The following HDAC1 variants were observed in gnomAD, a reference collection of about 807,000 sequenced individuals.
The protein encoded by HDAC1 is protein deacetylase HDAC1.
In HDAC1, 18 loss-of-function variants were observed where a neutral mutation model predicts 65.5. The ratio of observed to expected loss-of-function variants is 0.27; its 90% CI spans 0.19 to 0.41. HDAC1 has a LOEUF of 0.41. Among genes scored for constraint, HDAC1 ranks in the 10% least tolerant of loss-of-function variants. HDAC1 has a pLI of 1.00. For missense variants in HDAC1, 373 were observed against 625.2 expected (o/e 0.60, Z 4.30); for synonymous variants, 211 against 227.9 (o/e 0.93, Z 0.67).
chr1:32,296,937 T>C (rs1348589499), intron 1 of HDAC1, among the ~76,000 whole-genome samples: 3 of 151,894 alleles, frequency 2.0e-5, no homozygotes, highest in Non-Finnish European at 4.4e-5. Context: ...CGAGGGTAAA[T>C]GTCAAGGAAA....
intron 3 of HDAC1, among the ~76,000 whole-genome samples, chr1:32,322,592 G>A (rs559366251): frequency 2.0e-5 from 3 of 152,240 alleles, no homozygotes; most frequent in South Asian, 2.1e-4. Flanking sequence ...TCTGTAAGAG[G>A]AGATTTGGAG....
At position 32,327,120 on chromosome 1, in the gene HDAC1, C is replaced by T. The variant is rs770813578; in HGVS notation, c.494+43C>T. 4 of 1,603,758 alleles carry T rather than the reference C, an allele frequency of 2.5e-6. No homozygotes were observed. Among genetic ancestry groups the T allele is most frequent in the Admixed American group, 3.4e-5 (2 of 59,600 alleles). On this transcript the variant is annotated intron_variant, in intron 5 of 13. Transcript: ENST00000373548. The surrounding 1 kb of genome is among the most constrained non-coding windows in gnomAD (Gnocchi z 6.0). ...TGTCTCTTGGAAGAGCACCTTAGGC[C>T]AGGTTCCCATTTCCCTCTTCCCCTG...
Position 32,329,016 on chromosome 1 carries a change from C to A in HDAC1, c.637-52C>A. On this transcript the variant is annotated intron_variant, in intron 6 of 13. Coordinates refer to ENST00000373548, the MANE Select transcript of HDAC1 (RefSeq NM_004964.3). The surrounding 1 kb of genome is among the most constrained non-coding windows in gnomAD (Gnocchi z 4.1). ...TTATCCCTCCAGCCCCTATCCTTGA[C>A]CTTCCTTCAAGCTTCATCCTTCAGT... 9.1e-7 allele frequency: 1 copy of A among 1,104,954 alleles called. No individual in the cohort carries two copies. The highest frequency in any genetic ancestry group is 1.2e-5 in the South Asian group (1 of 80,880). The allele number at this position is 1,104,954 out of a possible 1,614,324, so 68.4% of individuals were successfully genotyped here. A position where few individuals can be genotyped will look rare whatever the true frequency, so the allele number is the denominator to read the frequency against.
chr1:32,320,238 A>C (rs1435371682), intron 3 of HDAC1, among the ~76,000 whole-genome samples: 1 of 151,300 alleles, frequency 6.6e-6, no homozygotes, highest in Non-Finnish European at 1.5e-5. Flanking sequence ...AAAAAAAAAA[A>C]CCCACACACA....
chr1:32,296,275 G>A (rs1640765660), intron 1 of HDAC1, among the ~76,000 whole-genome samples: 1 of 152,186 alleles, frequency 6.6e-6, no homozygotes, highest in Admixed American at 6.6e-5. Context: ...AAAGAAGGGA[G>A]GGATTGGGCA....
At chr1:32,309,671 A>G (rs1300247137) in intron 2 of HDAC1, among the ~76,000 whole-genome samples, 1 of 136,792 alleles carries the variant, frequency 7.3e-6, no homozygotes, top group Non-Finnish European at 1.5e-5. Context: ...TGGGCAACAG[A>G]GCGAGTCTCA....
chr1:32,293,047 G>C (rs1003026380), intron 1 of HDAC1, among the ~76,000 whole-genome samples: 1 of 152,178 alleles, frequency 6.6e-6, no homozygotes, highest in South Asian at 2.1e-4. Flanking sequence ...TTGGCCGGGC[G>C]TGGTGGCTCA....
intron 2 of HDAC1, among the ~76,000 whole-genome samples, chr1:32,305,388 A>G (rs918478234): frequency 6.6e-6 from 1 of 152,170 alleles, no homozygotes; most frequent in African/African-American, 2.4e-5. Flanking sequence ...ACATATGCAC[A>G]TATTCACCTG....
intron 4 of HDAC1, among the ~76,000 whole-genome samples, chr1:32,325,094 G>A (rs140906701): frequency 1.2e-4 from 18 of 152,296 alleles, no homozygotes; most frequent in Middle Eastern, 3.4e-3. Flanking sequence ...ATGTACAGGC[G>A]TTCCCCGCAG....
chr1:32,327,642 T>C lies in HDAC1; in HGVS notation c.601T>C (p.Tyr201His). Residue 201 changes from tyrosine to histidine, a missense_variant, in exon 6 of 14, where the codon TAT becomes CAT. Tyr to His is a moderately conservative substitution (Grantham distance 83, BLOSUM62 2). Around this residue, in one of 4 missense-constraint regions of HDAC1, gnomAD observed 62 missense variants for 180.0 expected, o/e 0.34. Coordinates refer to ENST00000373548, the MANE Select transcript of HDAC1 (RefSeq NM_004964.3). The surrounding 1 kb of genome is among the most constrained non-coding windows in gnomAD (Gnocchi z 6.0). ...GGTCATGACTGTGTCCTTTCATAAG[T>C]ATGGAGAGTACTTCCCAGGAACTGG... ...DRVMTVSFHK[Y>H]GEYFPGTGDL... 6.2e-7 allele frequency: 1 copy of C among 1,614,078 alleles called. No homozygotes were observed. Among genetic ancestry groups the C allele is most frequent in the Non-Finnish European group, 8.5e-7 (1 of 1,179,958 alleles).
At chr1:32,325,738 C>G (rs1282307276) in intron 4 of HDAC1, among the ~76,000 whole-genome samples, 2 of 152,094 alleles carry the variant, frequency 1.3e-5, no homozygotes, top group African/African-American at 2.4e-5. Flanking sequence ...TTAAAATCAA[C>G]ACTGCAGCTG....
rs1641280103 is a variant in HDAC1 at position 32,330,736 on chromosome 1, C to T, written c.839-32C>T. 6.2e-7 allele frequency: 1 copy of T among 1,613,948 alleles called. No homozygotes were observed. The highest frequency in any genetic ancestry group is 2.2e-5 in the East Asian group (1 of 44,880). On this transcript the variant is annotated intron_variant, in intron 8 of 13. Coordinates refer to ENST00000373548, the MANE Select transcript of HDAC1 (RefSeq NM_004964.3). This position sits in a 1 kb window ranked among gnomAD's most constrained non-coding sequence, Gnocchi z 4.2. ...GGTGGGCGGGGTCCTGCTTGGTGCT[C>T]CTGTAACTCAGCACCCCTTCTCCCA...
intron 13 of HDAC1, 117 bp downstream of exon 13, chr1:32,332,866 G>A: frequency 5.1e-6 from 6 of 1,181,982 alleles, no homozygotes; most frequent in Non-Finnish European, 7.4e-6. Context: ...GCCTCTTTCA[G>A]GGACCAGTCT....
intron 2 of HDAC1, among the ~76,000 whole-genome samples, chr1:32,305,772 G>A (rs1416921314): frequency 6.6e-6 from 1 of 151,740 alleles, no homozygotes; most frequent in South Asian, 2.1e-4. Context: ...CACCACACTC[G>A]GCTAATTTTT....
intron 3 of HDAC1, among the ~76,000 whole-genome samples, chr1:32,320,899 CAAAAAAAAAAAA>C (rs1160071616): frequency 1.1e-3 from 25 of 23,386 alleles, no homozygotes; most frequent in African/African-American, 2.2e-3. Flanking sequence ...GACTCCATCT[CAAAAAAAAAAAA>C]AAAAAAAAAA....
chr1:32,323,103 C>A (rs996342356), intron 3 of HDAC1, among the ~76,000 whole-genome samples: 5 of 152,070 alleles, frequency 3.3e-5, no homozygotes, highest in African/African-American at 1.2e-4. Context: ...GAGTTTGAGA[C>A]CAGCCTGGCC....
chr1:32,314,825 CAA>C (rs34315355), intron 2 of HDAC1, among the ~76,000 whole-genome samples: 21 of 64,186 alleles, frequency 3.3e-4, no homozygotes, highest in Admixed American at 3.5e-4. Flanking sequence ...GACTCCGTCT[CAA>C]AAAAAAAAAA....
chr1:32,314,330 C>G (rs548692189), intron 2 of HDAC1, among the ~76,000 whole-genome samples: 2 of 152,054 alleles, frequency 1.3e-5, no homozygotes, highest in Non-Finnish European at 2.9e-5. Flanking sequence ...GTAGTTAGGA[C>G]TATAGGCAAG....
At chr1:32,314,667 G>T (rs1257446260) in intron 2 of HDAC1, among the ~76,000 whole-genome samples, 1 of 151,742 alleles carries the variant, frequency 6.6e-6, no homozygotes, top group Non-Finnish European at 1.5e-5. Flanking sequence ...TCTACTAAAT[G>T]TACAAAAAAT....
Sources: gnomAD v4.1 joint callset for allele counts (sites outside exome capture counted in the v4.1 genomes callset) on GRCh38, gnomAD v4.1.1 for gene constraint, gnomAD v4.1.1 regional missense constraint, Gnocchi (gnomAD v3.1) non-coding constraint, MANE v1.5 for transcripts, NCBI Gene and HGNC (gene_info 2026-07-23, HGNC 2026-07-21) for gene names.